CDYL2: variants seen among roughly 807,000 people sequenced by gnomAD.
The protein encoded by CDYL2 is chromodomain Y like 2.
CDYL2 carries 23 observed loss-of-function variants against 49.4 expected under a neutral mutation model. That is an observed-to-expected ratio of 0.47 (90% CI 0.34 to 0.66). The LOEUF (loss-of-function observed/expected upper bound fraction) is 0.66, where lower values mean the gene tolerates loss of function less well. Among genes scored for constraint, CDYL2 ranks in the 30% least tolerant of loss-of-function variants. The pLI is 0.01. For synonymous variants in CDYL2, 360 were observed against 268.8 expected (o/e 1.34, Z -3.32); for missense variants, 678 against 656.4 (o/e 1.03, Z -0.36).
chr16:80,669,657 G>A lies in CDYL2; in HGVS notation c.616+14881C>T, dbSNP rs146246893. Reference sequence around the variant, plus strand: ...AGCAGGAGGGTCGGTGGGCAAGACAGCTAACTCTTATCCTCTGGCTGGCTT... The same window carrying A: ...AGCAGGAGGGTCGGTGGGCAAGACAACTAACTCTTATCCTCTGGCTGGCTT... On this transcript the variant is annotated intron_variant, in intron 2 of 6. Transcript: ENST00000570137. Among the ~76,000 whole-genome samples, 256 of 152,272 alleles carry A rather than the reference G, an allele frequency of 1.7e-3. 1 individual carries two copies. Among genetic ancestry groups the A allele is most frequent in the African/African-American group, 5.9e-3 (246 of 41,550 alleles).
intron 2 of CDYL2, among the ~76,000 whole-genome samples, chr16:80,655,010 A>G (rs932939411): frequency 2.0e-5 from 3 of 152,164 alleles, no homozygotes; most frequent in African/African-American, 7.2e-5. Flanking sequence ...AGGCAGATCC[A>G]GGGCACGGTC....
At chr16:80,789,837 A>T (rs1172975007) in intron 1 of CDYL2, among the ~76,000 whole-genome samples, 1 of 152,218 alleles carries the variant, frequency 6.6e-6, no homozygotes, top group Non-Finnish European at 1.5e-5. Context: ...GTATGTTCTC[A>T]CTTGTAGATG....
rs932435125 is a variant in CDYL2, at chr16:80,599,658, T to C, written c.*4730A>G. 2.6e-5 allele frequency: 4 copies of C among 152,166 alleles called. No homozygotes were observed. The highest frequency in any genetic ancestry group is 1.3e-4 in the Admixed American group (2 of 15,274). 9.4% of individuals were successfully genotyped at this position (152,166 alleles called of 1,614,324 possible). Reference sequence around the variant, plus strand: ...GACTCATAGGTAAACTTTGTTAACATCTCTCAGGGAGTGCTGACCTTACCC... The same window carrying C: ...GACTCATAGGTAAACTTTGTTAACACCTCTCAGGGAGTGCTGACCTTACCC... On this transcript the variant is annotated 3_prime_UTR_variant, in exon 7 of 7. Coordinates refer to ENST00000570137, the MANE Select transcript of CDYL2 (RefSeq NM_152342.4).
At chr16:80,663,346 A>G (rs953995591) in intron 2 of CDYL2, among the ~76,000 whole-genome samples, 5 of 152,054 alleles carry the variant, frequency 3.3e-5, no homozygotes, top group South Asian at 4.2e-4. Flanking sequence ...GTGGAACCAA[A>G]AGCCCCTAGT....
rs1159451795 is a variant in CDYL2, at chr16:80,637,790, G to A, written c.617-4554C>T. On this transcript the variant is annotated intron_variant, in intron 2 of 6. Transcript: ENST00000570137. ...CAAAACAAACACAAGACAAATGTTT[G>A]AGGTGATGGATATCTCAATTACCCT... Among the ~76,000 whole-genome samples, 6 of 152,340 alleles carry A rather than the reference G, an allele frequency of 3.9e-5. No homozygotes were observed. The East Asian group carries it at 1.2e-3, about 29-fold the overall frequency.
intron 1 of CDYL2, among the ~76,000 whole-genome samples, chr16:80,709,034 G>A (rs1904499321): frequency 6.6e-6 from 1 of 152,224 alleles, no homozygotes; most frequent in African/African-American, 2.4e-5. Flanking sequence ...GCGCCAGTCA[G>A]ACAAGAAGAA....
In CDYL2 at chr16:80,601,023, A is replaced by G. The variant is rs1335746279; in HGVS notation, c.*3365T>C. 6.6e-6 allele frequency: 1 copy of G among 152,244 alleles called. No homozygotes were observed. The highest frequency in any genetic ancestry group is 1.5e-5 in the Non-Finnish European group (1 of 68,048). The allele number at this position is 152,244 out of a possible 1,614,324, so 9.4% of individuals were successfully genotyped here. On this transcript the variant is annotated 3_prime_UTR_variant, in exon 7 of 7. Transcript: ENST00000570137. ...CAAACAAGAATGATATTTTAAATCA[A>G]TTCTCTACTACTTTCTCATAGCTAT... is the stretch of plus-strand genomic sequence containing the variant.
chr16:80,608,179 C>G lies in CDYL2; in HGVS notation c.1275G>C (p.Arg425Ser). The G allele has an allele frequency of 6.2e-7, 1 of 1,602,482 alleles. No homozygotes were observed. The highest frequency in any genetic ancestry group is 8.5e-7 in the Non-Finnish European group (1 of 1,174,602). The change falls in exon 6 of 7, where the codon AGG becomes AGC. Residue 425 changes from arginine (R) to serine (S), a missense_variant. Physicochemically the swap from Arg to Ser is moderately radical, Grantham distance 110. Transcript: ENST00000570137. ...RKLTAQEACS[R>S]GLVSQVFWPT... ...GCCAGAAGACCTGCGACACCAGCCC[C>G]CTGCTGCAGGCCTCCTGGGCGGTGA...
At chr16:80,669,007 G>A (rs745980331) in intron 2 of CDYL2, among the ~76,000 whole-genome samples, 1 of 151,890 alleles carries the variant, frequency 6.6e-6, no homozygotes, top group Non-Finnish European at 1.5e-5. Context: ...AACAAAAAGA[G>A]AAGAGAGGAG....
At chr16:80,714,105 G>A (rs941195755) in intron 1 of CDYL2, among the ~76,000 whole-genome samples, 2 of 152,126 alleles carry the variant, frequency 1.3e-5, no homozygotes, top group African/African-American at 4.8e-5. Flanking sequence ...CTAATTTATA[G>A]GTGGTTTGGA....
At chr16:80,666,283 G>T (rs1348767096) in intron 2 of CDYL2, among the ~76,000 whole-genome samples, 6 of 152,152 alleles carry the variant, frequency 3.9e-5, no homozygotes, top group Non-Finnish European at 5.9e-5. Flanking sequence ...AATTTTAAAG[G>T]TGAAATCTTA....
rs1407459686 is a variant in CDYL2, at chr16:80,676,961, G to GTCTTTT, written c.616+7576_616+7577insAAAAGA. On this transcript the variant is annotated intron_variant, in intron 2 of 6. Coordinates refer to ENST00000570137, the MANE Select transcript of CDYL2 (RefSeq NM_152342.4). The stretch of plus-strand genomic sequence containing the variant: ...AGGACTTTTTAACAACCAATTCAAT[G>GTCTTTT]TATTTTTTTTTTTTTTTTTTTTTTT... 1.8e-4 allele frequency among the ~76,000 whole-genome samples: 20 copies of GTCTTTT among 110,556 alleles called. 2 individuals carry two copies. Among genetic ancestry groups the GTCTTTT allele is most frequent in the Non-Finnish European group, 1.5e-4 (8 of 53,538 alleles). 72.5% of individuals were successfully genotyped at this position (110,556 alleles called of 152,430 possible). A position where few individuals can be genotyped will look rare whatever the true frequency, so the allele number is the denominator to read the frequency against.
chr16:80,730,211 T>C (rs1175193482), intron 1 of CDYL2, among the ~76,000 whole-genome samples: 1 of 151,620 alleles, frequency 6.6e-6, no homozygotes, highest in Non-Finnish European at 1.5e-5. Context: ...CTAGCAAGAC[T>C]AATAAAGAAA....
chr16:80,667,173 G>A (rs139432613), intron 2 of CDYL2, among the ~76,000 whole-genome samples: 5 of 152,274 alleles, frequency 3.3e-5, no homozygotes, highest in African/African-American at 4.8e-5. Context: ...GGCTCACAGC[G>A]GGAGGCATTC....
intron 1 of CDYL2, among the ~76,000 whole-genome samples, chr16:80,777,783 G>A (rs1164236425): frequency 6.6e-6 from 1 of 151,872 alleles, no homozygotes; most frequent in Non-Finnish European, 1.5e-5. Flanking sequence ...AAGCTTAGTT[G>A]ACATGTTACA....
Position 80,610,528 on chromosome 16 carries a change from G to C in CDYL2, c.1218+2098C>G, listed in dbSNP as rs144596735. Among the ~76,000 whole-genome samples, 915 of 152,318 alleles carry C rather than the reference G, an allele frequency of 6.0e-3. 12 individuals carry two copies. The highest frequency in any genetic ancestry group is 0.01 in the Middle Eastern group (3 of 294). On this transcript the variant is annotated intron_variant, in intron 5 of 6. Transcript: ENST00000570137. Reference sequence around the variant, plus strand: ...TATTATCCAGAAGCCTAAGGACTCAGAGAGAAAGGAGATTCTTGGGCAGAG... The same window carrying C: ...TATTATCCAGAAGCCTAAGGACTCACAGAGAAAGGAGATTCTTGGGCAGAG...
intron 4 of CDYL2, 138 bp downstream of exon 4, chr16:80,620,625 C>T: frequency 1.5e-6 from 1 of 661,906 alleles, no homozygotes. Flanking sequence ...AAGCAGACCT[C>T]GAGTATTGCA....
At chr16:80,775,438 T>C in intron 1 of CDYL2, among the ~76,000 whole-genome samples, 1 of 151,918 alleles carries the variant, frequency 6.6e-6, no homozygotes. Flanking sequence ...TCTAAGGAGC[T>C]TGCCTTTTTC....
chr16:80,716,632 G>A (rs1486366558), intron 1 of CDYL2, among the ~76,000 whole-genome samples: 2 of 152,210 alleles, frequency 1.3e-5, no homozygotes, highest in African/African-American at 2.4e-5. Flanking sequence ...TGGGTGGATG[G>A]ATGGATGGAT....
Sources: allele counts gnomAD v4.1 joint callset (sites outside exome capture counted in the v4.1 genomes callset), GRCh38; gene constraint gnomAD v4.1.1; transcripts MANE v1.5; gene names NCBI Gene and HGNC (gene_info 2026-07-23, HGNC 2026-07-21).